The following REV1 variants were observed in gnomAD, a reference collection of about 807,000 sequenced individuals.
The protein encoded by REV1 is translesion synthesis protein REV1.
REV1 carries 42 observed loss-of-function variants against 137.4 expected under a neutral mutation model. The observed-to-expected ratio is 0.31, with a 90% CI of 0.24 to 0.40. The LOEUF is 0.40. Ranked by LOEUF, REV1 falls within the 10% of genes least tolerant of loss-of-function variation. The pLI, the probability that REV1 is intolerant of heterozygous loss-of-function variation, is 1.00. For missense variants in REV1, 1,282 were observed against 1,490.1 expected (o/e 0.86, Z 2.30); for synonymous variants, 524 against 519.2 (o/e 1.01, Z -0.12).
intron 17 of REV1, 118 bp downstream of exon 17, chr2:99,405,792 C>T: frequency 1.5e-6 from 1 of 674,156 alleles, no homozygotes; most frequent in Middle Eastern, 4.5e-4. Context: ...GCCCGTTCTC[C>T]CTTTCTTGGT....
At chr2:99,431,043 A>G (rs1275745277) in intron 8 of REV1, among the ~76,000 whole-genome samples, 1 of 152,116 alleles carries the variant, frequency 6.6e-6, no homozygotes, top group Non-Finnish European at 1.5e-5. Context: ...TTTCAGACTC[A>G]CTGTTCTGTG....
chr2:99,445,164 A>AT (rs533956659), intron 4 of REV1, among the ~76,000 whole-genome samples: 95 of 152,150 alleles, frequency 6.2e-4, no homozygotes, highest in Admixed American at 5.1e-3. Flanking sequence ...GGCAAAAAAA[A>AT]CTCATGAGAG....
intron 5 of REV1, among the ~76,000 whole-genome samples, chr2:99,440,937 C>G (rs770683662): frequency 6.6e-5 from 10 of 152,100 alleles, no homozygotes; most frequent in Non-Finnish European, 1.2e-4. Context: ...GACAAATGGA[C>G]ATTTGCAAAG....
rs1437410999 is a variant in REV1, at chr2:99,438,999, C to T, written c.815G>A (p.Arg272Lys). ...CTGCAACTGCTGCAGAGTGCAGTCT[C>T]TGAAATCAGTGCTGCTCTTCTCAGC... ...DKAEKSSTDF[R>K]DCTLQQLQQS... is the part of the protein sequence containing the mutation. Residue 272 changes from arginine (R) to lysine (K), a missense_variant, in exon 6 of 23, where the codon AGA becomes AAA. Around this residue, in one of 7 missense-constraint regions of REV1, gnomAD observed 432 missense variants for 438.0 expected, o/e 0.99. Transcript: ENST00000258428. 3.1e-6 allele frequency: 5 copies of T among 1,614,056 alleles called. No individual in the cohort carries two copies.
At chr2:99,413,226 ACTTT>A (rs903879675) in intron 12 of REV1, among the ~76,000 whole-genome samples, 4 of 152,232 alleles carry the variant, frequency 2.6e-5, no homozygotes, top group Non-Finnish European at 2.9e-5. Flanking sequence ...CAAAAATGTC[ACTTT>A]CTTTATTAGT....
At chr2:99,413,959 A>G (rs538899603) in intron 12 of REV1, among the ~76,000 whole-genome samples, 1 of 152,222 alleles carries the variant, frequency 6.6e-6, no homozygotes, top group South Asian at 2.1e-4. Context: ...GTTTGAGGAC[A>G]ACATGGGCAA....
chr2:99,443,944 G>A (rs775192522), intron 4 of REV1, among the ~76,000 whole-genome samples: 4 of 151,612 alleles, frequency 2.6e-5, no homozygotes, highest in South Asian at 4.2e-4. Context: ...TCAGCTTCCC[G>A]AGTAGCTGGG....
At chr2:99,437,871 C>T (rs2104808948) in intron 6 of REV1, among the ~76,000 whole-genome samples, 1 of 152,142 alleles carries the variant, frequency 6.6e-6, no homozygotes, top group Middle Eastern at 3.4e-3. Flanking sequence ...ACAGAAAACA[C>T]CCCACATAGA....
At chr2:99,439,455 A>G in intron 5 of REV1, 145 bp from the exon 6 acceptor site, 2 of 325,626 alleles carry the variant, frequency 6.1e-6, no homozygotes, top group Non-Finnish European at 1.1e-5. Context: ...ATTGACAATG[A>G]AAAAAAAAAA....
chr2:99,426,796 C>T (rs1054719131), intron 9 of REV1, among the ~76,000 whole-genome samples: 64 of 152,164 alleles, frequency 4.2e-4, no homozygotes, highest in African/African-American at 1.5e-3. Flanking sequence ...GCTGCAAAAA[C>T]AGCTTATTCC....
chr2:99,428,882 C>T (rs1679737092), intron 9 of REV1, among the ~76,000 whole-genome samples: 2 of 151,562 alleles, frequency 1.3e-5, no homozygotes, highest in Non-Finnish European at 2.9e-5. Context: ...GTCCCAGCTA[C>T]TCGGGAGGCT....
chr2:99,419,891 T>C (rs28382934), intron 11 of REV1, among the ~76,000 whole-genome samples: 10 of 152,154 alleles, frequency 6.6e-5, no homozygotes, highest in Admixed American at 5.2e-4. Flanking sequence ...AGAAGACTTA[T>C]ATAAACAGAG....
At position 99,416,926 on chromosome 2, in the gene REV1, A is replaced by AAAAAAAG. The variant is rs1317429756; in HGVS notation, c.1951+1901_1951+1902insCTTTTTT. Among the ~76,000 whole-genome samples, 115 of 151,202 alleles carry AAAAAAAG rather than the reference A, an allele frequency of 7.6e-4. 1 individual carries two copies. Among genetic ancestry groups the AAAAAAAG allele is most frequent in the Non-Finnish European group, 1.2e-3 (78 of 67,770 alleles). On this transcript the variant is annotated intron_variant, in intron 12 of 22. Transcript: ENST00000258428. Reference sequence around the variant, plus strand: ...AGACTCCATCTCAAAAAAAAAAAAAAAAAAAAAGAAATAAAGTCTTTCCAG... The same window carrying AAAAAAAG: ...AGACTCCATCTCAAAAAAAAAAAAAAAAAAAAGAAAAAAAGAAATAAAGTCTTTCCAG...
At chr2:99,427,918 C>T (rs555934817) in intron 9 of REV1, among the ~76,000 whole-genome samples, 2 of 152,154 alleles carry the variant, frequency 1.3e-5, no homozygotes, top group Admixed American at 6.5e-5. Context: ...TGAAGCTTGA[C>T]CAAATTTATA....
chr2:99,464,939 C>T lies in REV1; in HGVS notation c.37G>A (p.Asp13Asn). The change falls in exon 2 of 23, where the codon GAT (aspartate) becomes AAT (asparagine). Residue 13 changes from aspartate (D) to asparagine (N), a missense_variant. Asp to Asn is a conservative substitution (Grantham distance 23). Coordinates refer to ENST00000258428, the MANE Select transcript of REV1 (RefSeq NM_016316.4). ...RGGWRKRAEN[D>N]GWETWGGYMA... ...AAACACACCCATGTTTCCCAGCCAT[C>T]ATTTTCAGCTCGCTTCCTCCATCCA... 1.2e-6 allele frequency: 2 copies of T among 1,613,480 alleles called. No individual in the cohort carries two copies. Among genetic ancestry groups the T allele is most frequent in the Non-Finnish European group, 1.7e-6 (2 of 1,179,658 alleles).
intron 19 of REV1, 112 bp downstream of exon 19, chr2:99,403,583 G>C: frequency 7.6e-7 from 1 of 1,313,946 alleles, no homozygotes; most frequent in Non-Finnish European, 1.1e-6. Context: ...AATATGAAGA[G>C]CTCTTAATGC....
intron 12 of REV1, among the ~76,000 whole-genome samples, chr2:99,416,912 C>CAAAAAAAAAAAAAAAAA (rs755184253): frequency 7.7e-5 from 6 of 77,846 alleles, no homozygotes; most frequent in African/African-American, 2.4e-4. Context: ...GACTCCATCT[C>CAAAAAAAAAAAAAAAAA]AAAAAAAAAA....
chr2:99,484,570 TTTGAC>T (rs1242684629), intron 1 of REV1, among the ~76,000 whole-genome samples: 2 of 142,174 alleles, frequency 1.4e-5, no homozygotes, highest in South Asian at 2.3e-4. Context: ...CACATGATTC[TTTGAC>T]TTATTTTTAA....
chr2:99,478,624 C>T (rs891986093), intron 1 of REV1, among the ~76,000 whole-genome samples: 1 of 152,088 alleles, frequency 6.6e-6, no homozygotes, highest in African/African-American at 2.4e-5. Context: ...AGCAGAAGAG[C>T]TAGTAACAGG....
Sources: gnomAD v4.1 joint callset for allele counts (sites outside exome capture counted in the v4.1 genomes callset) on GRCh38, gnomAD v4.1.1 for gene constraint, gnomAD v4.1.1 regional missense constraint, MANE v1.5 for transcripts, NCBI Gene and HGNC (gene_info 2026-07-23, HGNC 2026-07-21) for gene names.